CHN2: variants seen among roughly 807,000 people sequenced by gnomAD.
The protein encoded by CHN2 is chimerin 2.
CHN2 carries 35 observed loss-of-function variants against 56.3 expected under a neutral mutation model. The ratio of observed to expected loss-of-function variants is 0.62; its 90% CI spans 0.47 to 0.82. The LOEUF (loss-of-function observed/expected upper bound fraction) is 0.82, where lower values mean the gene tolerates loss of function less well. CHN2 is among the 40% of genes least tolerant of loss of function. The probability of loss-of-function intolerance (pLI) is 0.00; values close to 1 mark genes in which losing one functional copy is unlikely to be tolerated. For synonymous variants in CHN2, 210 were observed against 212.8 expected (o/e 0.99, Z 0.12); for missense variants, 491 against 580.5 (o/e 0.85, Z 1.58).
Position 29,354,650 on chromosome 7 carries a change from A to T in CHN2, c.75A>T (p.Ile25=). 1.9e-6 allele frequency: 3 copies of T among 1,611,418 alleles called. No individual in the cohort carries two copies. The South Asian group carries it at 3.3e-5, about 18-fold the overall frequency. The change falls in exon 2 of 13, where the codon ATA becomes ATT. Residue 25 remains isoleucine, a synonymous_variant. Transcript: ENST00000222792. ...SSDAEEYQPP[I]WKSYLYQLQQ... is the part of the protein sequence containing the mutation. ...ATGCTGAAGAATACCAGCCTCCTAT[A>T]TGGAAATCATACTGTGAGTACCTGA...
intron 2 of CHN2, among the ~76,000 whole-genome samples, chr7:29,357,026 T>G (rs1798369202): frequency 6.6e-6 from 1 of 152,204 alleles, no homozygotes; most frequent in South Asian, 2.1e-4. Flanking sequence ...TCAAATTCAT[T>G]TTGCCTTCTT....
chr7:29,345,682 G>T (rs568032057), intron 1 of CHN2, among the ~76,000 whole-genome samples: 1 of 152,256 alleles, frequency 6.6e-6, no homozygotes, highest in East Asian at 1.9e-4. Flanking sequence ...TCACCGTATT[G>T]TGCCCGAGGA....
At chr7:29,167,428 T>G (rs1796060223) in intron 2 of CHN2, among the ~76,000 whole-genome samples, 1 of 152,228 alleles carries the variant, frequency 6.6e-6, no homozygotes, top group Admixed American at 6.5e-5. Context: ...CCAGTTTTTC[T>G]TTTTGCTTGT....
intron 2 of CHN2, among the ~76,000 whole-genome samples, chr7:29,183,245 T>C (rs1204753794): frequency 6.6e-6 from 1 of 152,008 alleles, no homozygotes; most frequent in Non-Finnish European, 1.5e-5. Flanking sequence ...CCAACATGAC[T>C]GGCTAATTTT....
intron 2 of CHN2, among the ~76,000 whole-genome samples, chr7:29,161,631 G>A (rs1795190545): frequency 6.6e-6 from 1 of 152,168 alleles, no homozygotes; most frequent in African/African-American, 2.4e-5. Context: ...ACGATGGGTA[G>A]ACTGGCCTTT....
At chr7:29,198,276 A>G (rs928449926) in intron 1 of CHN2, among the ~76,000 whole-genome samples, 5 of 152,334 alleles carry the variant, frequency 3.3e-5, no homozygotes, top group Middle Eastern at 3.4e-3. Context: ...AGATTTAGGT[A>G]TGTTTGTGTT....
chr7:29,158,194 C>G (rs1221201764), intron 2 of CHN2, among the ~76,000 whole-genome samples: 1 of 152,112 alleles, frequency 6.6e-6, no homozygotes, highest in Non-Finnish European at 1.5e-5. Flanking sequence ...AGCATGAGTT[C>G]CGGAATGAAT....
At chr7:29,257,404 C>T (rs2128827165) in intron 1 of CHN2, among the ~76,000 whole-genome samples, 1 of 152,306 alleles carries the variant, frequency 6.6e-6, no homozygotes, top group South Asian at 2.1e-4. Flanking sequence ...TCACTTCTTC[C>T]ATATGCCAGT....
At position 29,381,809 on chromosome 7, in the gene CHN2, C is replaced by CAAAAAAAAAAAAAAAAAA. The variant is rs60652952; in HGVS notation, c.145-11860_145-11843dup. Among the ~76,000 whole-genome samples, 17 of 39,512 alleles carry CAAAAAAAAAAAAAAAAAA rather than the reference C, an allele frequency of 4.3e-4. 4 individuals carry two copies. Among genetic ancestry groups the CAAAAAAAAAAAAAAAAAA allele is most frequent in the Non-Finnish European group, 7.9e-4 (15 of 19,044 alleles). The allele number at this position is 39,512 out of a possible 152,430, so 25.9% of individuals were successfully genotyped here. On this transcript the variant is annotated intron_variant, in intron 3 of 12. Transcript: ENST00000222792. ...AAAAGTCTATTCTCACTAAACTAAG[C>CAAAAAAAAAAAAAAAAAA]AAAAAAAAAAAAAAAAAAAAAAAAA...
chr7:29,219,723 G>A (rs1205321179), intron 1 of CHN2, among the ~76,000 whole-genome samples: 7 of 152,120 alleles, frequency 4.6e-5, no homozygotes, highest in Admixed American at 3.3e-4. Flanking sequence ...TTAATATCAG[G>A]CAAAGTAGAC....
chr7:29,395,169 A>T (rs548194988), intron 4 of CHN2, among the ~76,000 whole-genome samples: 47 of 152,340 alleles, frequency 3.1e-4, no homozygotes, highest in Middle Eastern at 3.4e-3. Flanking sequence ...TAGTTCTTTT[A>T]TACCTTCAAC....
chr7:29,247,703 GC>G (rs34586158), intron 1 of CHN2, among the ~76,000 whole-genome samples: 1 of 152,238 alleles, frequency 6.6e-6, no homozygotes, highest in Non-Finnish European at 1.5e-5. Flanking sequence ...TTCACAGCCA[GC>G]CTTGACCTTG....
chr7:29,361,604 C>T (rs1424484155), intron 2 of CHN2, among the ~76,000 whole-genome samples: 1 of 152,202 alleles, frequency 6.6e-6, no homozygotes, highest in African/African-American at 2.4e-5. Context: ...CTCCAAGTCG[C>T]CCCTGGCTGG....
chr7:29,158,302 T>G (rs1297057395), intron 2 of CHN2, among the ~76,000 whole-genome samples: 1 of 152,220 alleles, frequency 6.6e-6, no homozygotes, highest in African/African-American at 2.4e-5. Context: ...GACCTCAGTT[T>G]CCACCATCCT....
chr7:29,476,421 C>CA (rs1350369290), intron 6 of CHN2, among the ~76,000 whole-genome samples: 5 of 151,726 alleles, frequency 3.3e-5, no homozygotes, highest in African/African-American at 9.7e-5. Flanking sequence ...CCTATAGTCC[C>CA]AGGTACTTGG....
chr7:29,277,717 C>G (rs1317652455), intron 1 of CHN2, among the ~76,000 whole-genome samples: 5 of 152,194 alleles, frequency 3.3e-5, no homozygotes, highest in Non-Finnish European at 7.3e-5. Context: ...CCAGCAGCGT[C>G]TTCAAGGCAG....
At chr7:29,510,690 T>C (rs1791210381) in intron 12 of CHN2, among the ~76,000 whole-genome samples, 1 of 152,210 alleles carries the variant, frequency 6.6e-6, no homozygotes, top group Non-Finnish European at 1.5e-5. Context: ...AGACAGTCTT[T>C]TTGTAAGCTA....
At chr7:29,148,668 GTACCCTGTATTCGGA>G (rs1793117297) in intron 2 of CHN2, 1 of 152,168 alleles carries the variant, frequency 6.6e-6, no homozygotes, top group African/African-American at 2.4e-5. Context: ...CCTTTTTGGG[GTACCCTGTATTCGGA>G]TTTGTCGTGT....
chr7:29,500,070 A>T, intron 9 of CHN2, 30 bp downstream of exon 9: 3 of 1,430,538 alleles, frequency 2.1e-6, no homozygotes, highest in Middle Eastern at 1.9e-4. Flanking sequence ...TTATAGTAGT[A>T]TAGTGATTTT....
Sources: allele counts gnomAD v4.1 joint callset (sites outside exome capture counted in the v4.1 genomes callset), GRCh38; gene constraint gnomAD v4.1.1; transcripts MANE v1.5; gene names NCBI Gene and HGNC (gene_info 2026-07-23, HGNC 2026-07-21).